The following NOL8 variants were observed in gnomAD, a reference collection of about 807,000 sequenced individuals.
NOL8 encodes the protein nucleolar protein Nop132.
NOL8 carries 93 observed loss-of-function variants against 116.1 expected under a neutral mutation model. The observed-to-expected ratio is 0.80, with a 90% CI of 0.68 to 0.95. NOL8 has a LOEUF of 0.95. Among genes scored for constraint, NOL8 ranks in the 40% least tolerant of loss-of-function variants. NOL8 has a pLI of 0.00. For synonymous variants in NOL8, 419 were observed against 469.0 expected, an observed-to-expected ratio of 0.89 and a Z score of 1.38; for missense variants, 1,291 against 1,382.8, an observed-to-expected ratio of 0.93 and a Z score of 1.05.
chr9:92,314,528 A>G lies in NOL8; in HGVS notation c.2097T>C (p.His699=), dbSNP rs2134130400. ...HNIGFDKDSC[H]STTKTEASQE... is the part of the protein sequence containing the mutation. ...GTGAAGCTTCTGTCTTTGTGGTACT[A>G]TGGCAGCTGTCTTTGTCAAAGCCTA... Residue 699 remains histidine (H), a synonymous_variant, in exon 7 of 17, where the codon CAT becomes CAC. Coordinates refer to ENST00000442668, the MANE Select transcript of NOL8 (RefSeq NM_017948.6). The G allele has an allele frequency of 6.2e-7, 1 of 1,613,638 alleles. No individual in the cohort carries two copies. The highest frequency in any genetic ancestry group is 1.3e-5 in the African/African-American group (1 of 75,040).
chr9:92,317,574 C>T (rs1487648868), intron 6 of NOL8, among the ~76,000 whole-genome samples: 1 of 152,134 alleles, frequency 6.6e-6, no homozygotes, highest in Non-Finnish European at 1.5e-5. Context: ...CTTCTCTAGT[C>T]CCAGTGGGGT....
chr9:92,299,657 C>T (rs1486361305), intron 14 of NOL8, among the ~76,000 whole-genome samples: 3 of 151,636 alleles, frequency 2.0e-5, no homozygotes, highest in Admixed American at 6.6e-5. Context: ...GAGGCTGGGA[C>T]AGGAGAATTG....
rs759182594 is a variant in NOL8, at chr9:92,311,173, C to G, written c.2445G>C (p.Gln815His). The part of the protein sequence containing the change: ...CETEETSTQE[Q>H]SHPGEEWVKE... ...TCACCCATTCCTCTCCTGGATGGCT[C>G]TGCTCCTGAGTCGATGTCTCCTCTG... The change falls in exon 8 of 17, where the codon CAG becomes CAC. Residue 815 changes from glutamine (Q) to histidine (H), a missense_variant. Transcript: ENST00000442668. The G allele has an allele frequency of 6.2e-7, 1 of 1,613,756 alleles. No homozygotes were observed. The highest frequency in any genetic ancestry group is 1.7e-5 in the Admixed American group (1 of 60,002).
At chr9:92,318,939 G>C in intron 5 of NOL8, 2 of 508,228 alleles carry the variant, frequency 3.9e-6, no homozygotes, top group Non-Finnish European at 6.8e-6. Context: ...CTGCTAATTT[G>C]AACAGGCAAA....
At chr9:92,323,400 A>G (rs1254235791) in intron 3 of NOL8, 41 bp downstream of exon 3, 6 of 1,562,796 alleles carry the variant, frequency 3.8e-6, no homozygotes, top group Non-Finnish European at 5.2e-6. Flanking sequence ...ACAGAGTCAT[A>G]CAAACTGGCA....
rs1238610013 is a variant in NOL8, at chr9:92,314,993, A to G, written c.1632T>C (p.Ile544=). 2 of 1,613,876 alleles carry G rather than the reference A, an allele frequency of 1.2e-6. No individual in the cohort carries two copies. The highest frequency in any genetic ancestry group is 8.5e-7 in the Non-Finnish European group (1 of 1,179,892). ...CCTCTCCTTCTAACAGGGAAGCCAC[A>G]ATCTCCGCAGGACGAATACACTGTC... ...RGRQCIRPAE[I]VASLLEGEEN... is the part of the protein sequence containing the mutation. The change falls in exon 7 of 17, where the codon ATT becomes ATC. Residue 544 remains isoleucine, a synonymous_variant. Transcript: ENST00000442668.
intron 8 of NOL8, chr9:92,310,925 A>C (rs1838721992): frequency 1.7e-6 from 1 of 576,506 alleles, no homozygotes. Flanking sequence ...CAGTTTTTGT[A>C]GCGTTTCACT....
At chr9:92,312,294 A>G (rs2134120471) in intron 7 of NOL8, among the ~76,000 whole-genome samples, 1 of 150,070 alleles carries the variant, frequency 6.7e-6, no homozygotes, top group African/African-American at 2.5e-5. Flanking sequence ...ATCTCTACAA[A>G]AACACAAAAA....
At chr9:92,302,466 T>C (rs542657327) in intron 12 of NOL8, among the ~76,000 whole-genome samples, 15 of 152,284 alleles carry the variant, frequency 9.9e-5, no homozygotes, top group Non-Finnish European at 1.8e-4. Flanking sequence ...CTACGTAAAA[T>C]AATAAGTGAA....
Position 92,306,970 on chromosome 9 carries a change from T to C in NOL8, c.2741A>G (p.Lys914Arg). ...EEEELAEEKK[K>R]ALNVVQSVLQ... is the part of the protein sequence containing the mutation. ...AACACTTTGTACAACATTCAGGGCTTTCTTTTTTTCTTCAGCAAGCTCTTC... is the reference window on the plus strand; with the variant it reads ...AACACTTTGTACAACATTCAGGGCTCTCTTTTTTTCTTCAGCAAGCTCTTC... The change falls in exon 11 of 17, where the codon AAA becomes AGA. Residue 914 changes from lysine (K) to arginine (R), a missense_variant. Physicochemically the swap from Lys to Arg is conservative, Grantham distance 26. Transcript: ENST00000442668. 6.2e-7 allele frequency: 1 copy of C among 1,613,294 alleles called. No individual in the cohort carries two copies. The highest frequency in any genetic ancestry group is 1.1e-5 in the South Asian group (1 of 90,980).
At chr9:92,301,169 A>AT (rs1330691984) in intron 13 of NOL8, among the ~76,000 whole-genome samples, 8 of 152,252 alleles carry the variant, frequency 5.3e-5, no homozygotes, top group Admixed American at 1.3e-4. Flanking sequence ...AAGGTTACCT[A>AT]TATCTTCTTT....
chr9:92,324,398 G>T, intron 1 of NOL8, 189 bp from the exon 2 acceptor site: 3 of 475,158 alleles, frequency 6.3e-6, no homozygotes, highest in East Asian at 3.4e-5. Flanking sequence ...ATGCACTTTG[G>T]AACAGCAACC....
In NOL8 at chr9:92,310,603, T is replaced by C; in HGVS notation, c.2545A>G (p.Ser849Gly). The C allele has an allele frequency of 6.2e-7, 1 of 1,613,364 alleles. No homozygotes were observed. Residue 849 changes from serine to glycine, a missense_variant, in exon 9 of 17, where the codon AGT becomes GGT. Physicochemically the swap from Ser to Gly is moderately conservative, Grantham distance 56 (BLOSUM62 0). Transcript: ENST00000442668. ...TGAGGTTTAATTTTGAACCTATTAC[T>C]GTCATCTTCAGAATCAGATTCGTCA... ...DDDESDSEDD[S>G]NRFKIKPQFE... is the part of the protein sequence containing the mutation.
At position 92,307,116 on chromosome 9, in the gene NOL8, C is replaced by A; in HGVS notation, c.2687-92G>T. 3 of 1,298,370 alleles carry A rather than the reference C, an allele frequency of 2.3e-6. No homozygotes were observed. The South Asian group carries it at 4.4e-5, about 19-fold the overall frequency. 80.4% of individuals were successfully genotyped at this position (1,298,370 alleles called of 1,614,324 possible). A position where few individuals can be genotyped will look rare whatever the true frequency, so the allele number is the denominator to read the frequency against. On this transcript the variant is annotated intron_variant, in intron 10 of 16. Transcript: ENST00000442668. ...TATTTACCAAGTACCTAAACATGTT[C>A]AAAATCCATTAAGACAGGAAGAAGA...
chr9:92,323,559 A>G (rs1840108184), intron 2 of NOL8, 56 bp from the exon 3 acceptor site: 3 of 1,428,084 alleles, frequency 2.1e-6, no homozygotes, highest in Non-Finnish European at 2.8e-6. Flanking sequence ...TTATCCAGAG[A>G]GCAATGTAAA....
chr9:92,317,126 C>G (rs1160535769), intron 6 of NOL8, among the ~76,000 whole-genome samples: 1 of 152,026 alleles, frequency 6.6e-6, no homozygotes, highest in Admixed American at 6.6e-5. Context: ...CCTGATTTTT[C>G]TTTTATTAAT....
intron 9 of NOL8, 69 bp downstream of exon 9, chr9:92,310,484 C>T: frequency 6.6e-7 from 1 of 1,515,702 alleles, no homozygotes. Flanking sequence ...CTGCATTTAC[C>T]CAGATTTAAG....
rs1840223658 is a variant in NOL8 at position 92,324,179 on chromosome 9, T to G, written c.-18A>C. ...ACTTTCATGAAGGCTGGGCATATACTTGGGTGTGTTTCAGTGGGAAAAGTA... is the reference window on the plus strand; with the variant it reads ...ACTTTCATGAAGGCTGGGCATATACGTGGGTGTGTTTCAGTGGGAAAAGTA... On this transcript the variant is annotated 5_prime_UTR_variant, in exon 2 of 17. Coordinates refer to ENST00000442668, the MANE Select transcript of NOL8 (RefSeq NM_017948.6). The G allele has an allele frequency of 6.2e-7, 1 of 1,606,878 alleles. No individual in the cohort carries two copies. Among genetic ancestry groups the G allele is most frequent in the Non-Finnish European group, 8.5e-7 (1 of 1,176,276 alleles).
At chr9:92,302,784 G>A (rs1236255010) in intron 12 of NOL8, among the ~76,000 whole-genome samples, 2 of 152,212 alleles carry the variant, frequency 1.3e-5, no homozygotes, top group African/African-American at 4.8e-5. Context: ...CAAATGGGAT[G>A]ACATATAACT....
Sources: allele counts gnomAD v4.1 joint callset (sites outside exome capture counted in the v4.1 genomes callset), GRCh38; gene constraint gnomAD v4.1.1; transcripts MANE v1.5; gene names NCBI Gene and HGNC (gene_info 2026-07-23, HGNC 2026-07-21).